Variants in STXBP5L observed in about 807,000 individuals in gnomAD.
The protein encoded by STXBP5L is syntaxin-binding protein 5-like.
STXBP5L carries 65 observed loss-of-function variants against 144.5 expected under a neutral mutation model. That is an observed-to-expected ratio of 0.45 (90% CI 0.37 to 0.55). The LOEUF is 0.55. STXBP5L is among the 20% of genes least tolerant of loss of function. STXBP5L has a pLI of 0.00. For synonymous variants in STXBP5L, 505 were observed against 469.6 expected (o/e 1.08, Z -0.97); for missense variants, 1,298 against 1,405.5 (o/e 0.92, Z 1.22).
At chr3:121,133,895 T>A (rs1428525652) in intron 7 of STXBP5L, among the ~76,000 whole-genome samples, 1 of 152,092 alleles carries the variant, frequency 6.6e-6, no homozygotes, top group East Asian at 1.9e-4. Flanking sequence ...TCAGATCTCA[T>A]GAGAACTCCC....
intron 3 of STXBP5L, among the ~76,000 whole-genome samples, chr3:121,007,093 G>A (rs1020419140): frequency 6.6e-6 from 1 of 151,928 alleles, no homozygotes; most frequent in Admixed American, 6.6e-5. Context: ...TTGAATATTG[G>A]CCTGTCTTGC....
At chr3:121,370,686 A>G (rs945103119) in intron 20 of STXBP5L, among the ~76,000 whole-genome samples, 1 of 152,190 alleles carries the variant, frequency 6.6e-6, no homozygotes, top group Non-Finnish European at 1.5e-5. Flanking sequence ...CATATTTCTC[A>G]GAGGTTTTGT....
chr3:121,126,222 A>G (rs143944579), intron 7 of STXBP5L, among the ~76,000 whole-genome samples: 3 of 152,332 alleles, frequency 2.0e-5, no homozygotes, highest in African/African-American at 7.2e-5. Context: ...CAAATCTGGC[A>G]TGCTGCCTGT....
chr3:121,354,041 G>T (rs1296492705), intron 20 of STXBP5L, among the ~76,000 whole-genome samples: 1 of 152,202 alleles, frequency 6.6e-6, no homozygotes, highest in Non-Finnish European at 1.5e-5. Flanking sequence ...ACTGTGGTCT[G>T]AGAGACAGTT....
chr3:120,966,800 T>G (rs1332669326), intron 3 of STXBP5L, among the ~76,000 whole-genome samples: 2 of 152,124 alleles, frequency 1.3e-5, no homozygotes, highest in East Asian at 3.9e-4. Flanking sequence ...AGAGCTCAAA[T>G]GCTGTGCTGG....
In STXBP5L at chr3:121,240,339, T is replaced by G; in HGVS notation, c.1333-101T>G. On this transcript the variant is annotated intron_variant, in intron 13 of 26. Transcript: ENST00000471454. Reference sequence around the variant, plus strand: ...ATTCTTGATGATTTTACACTTATTTTTCTTTAAGTGAGCTTTTTATCATTA... The same window carrying G: ...ATTCTTGATGATTTTACACTTATTTGTCTTTAAGTGAGCTTTTTATCATTA... 2.7e-5 allele frequency: 30 copies of G among 1,091,212 alleles called. No individual in the cohort carries two copies. The South Asian group carries it at 4.6e-4, about 17-fold the overall frequency. The allele number at this position is 1,091,212 out of a possible 1,614,324, so 67.6% of individuals were successfully genotyped here.
chr3:120,991,809 T>G (rs1942907965), intron 3 of STXBP5L, among the ~76,000 whole-genome samples: 1 of 144,014 alleles, frequency 6.9e-6, no homozygotes, highest in African/African-American at 2.6e-5. Context: ...CGGGGCCTGT[T>G]GTGGGGTGGG....
intron 3 of STXBP5L, among the ~76,000 whole-genome samples, chr3:120,984,253 C>T (rs1214317735): frequency 1.3e-5 from 2 of 152,150 alleles, no homozygotes; most frequent in Admixed American, 1.3e-4. Flanking sequence ...GCTGATGGAG[C>T]CTAAAATGAC....
intron 2 of STXBP5L, among the ~76,000 whole-genome samples, chr3:120,936,530 A>T (rs1187515989): frequency 1.3e-5 from 2 of 151,448 alleles, no homozygotes; most frequent in Non-Finnish European, 2.9e-5. Context: ...AGATGGCAAA[A>T]TTTTTTTCTG....
chr3:121,172,573 T>C (rs1308640452), intron 9 of STXBP5L, among the ~76,000 whole-genome samples: 1 of 152,134 alleles, frequency 6.6e-6, no homozygotes, highest in Admixed American at 6.5e-5. Flanking sequence ...AACAAACATA[T>C]GAAAAACAGC....
At chr3:121,247,638 A>G (rs2049897262) in intron 14 of STXBP5L, among the ~76,000 whole-genome samples, 1 of 152,190 alleles carries the variant, frequency 6.6e-6, no homozygotes, top group Non-Finnish European at 1.5e-5. Flanking sequence ...ATGTTGCTGT[A>G]AAGGACATGA....
At chr3:121,251,348 A>AT (rs2050020547) in intron 15 of STXBP5L, among the ~76,000 whole-genome samples, 1 of 152,322 alleles carries the variant, frequency 6.6e-6, no homozygotes, top group African/African-American at 2.4e-5. Context: ...ATGCACATAT[A>AT]TAACTATAGG....
At chr3:121,226,618 G>A (rs1182941703) in intron 11 of STXBP5L, among the ~76,000 whole-genome samples, 1 of 152,150 alleles carries the variant, frequency 6.6e-6, no homozygotes, top group Non-Finnish European at 1.5e-5. Flanking sequence ...TGGGGAAAGA[G>A]GGCTAGGGGA....
intron 2 of STXBP5L, among the ~76,000 whole-genome samples, chr3:120,914,964 C>T (rs892399080): frequency 2.0e-5 from 3 of 151,998 alleles, no homozygotes; most frequent in Non-Finnish European, 4.4e-5. Context: ...GGTGTAGGGG[C>T]AGGCTTGAGT....
chr3:121,176,427 C>T (rs76951640), intron 9 of STXBP5L, among the ~76,000 whole-genome samples: 2,455 of 106,600 alleles, frequency 0.023, 62 homozygotes, highest in African/African-American at 0.078. Flanking sequence ...AACAGATAAT[C>T]AATGAAACCA....
At chr3:121,005,876 T>G (rs1291678759) in intron 3 of STXBP5L, among the ~76,000 whole-genome samples, 1 of 152,228 alleles carries the variant, frequency 6.6e-6, no homozygotes, top group Non-Finnish European at 1.5e-5. Flanking sequence ...GTGAGTTTCT[T>G]AATCCTGACT....
chr3:121,090,061 C>G (rs2042701692), intron 5 of STXBP5L, among the ~76,000 whole-genome samples: 1 of 152,064 alleles, frequency 6.6e-6, no homozygotes, highest in African/African-American at 2.4e-5. Flanking sequence ...CATCTTGCTG[C>G]TAGTAACTAT....
intron 20 of STXBP5L, among the ~76,000 whole-genome samples, chr3:121,355,058 T>C (rs769217334): frequency 1.3e-5 from 2 of 152,252 alleles, no homozygotes; most frequent in Non-Finnish European, 2.9e-5. Context: ...AGAGATCCGC[T>C]GTTAGTCTGA....
At chr3:121,369,298 T>G (rs189644590) in intron 20 of STXBP5L, among the ~76,000 whole-genome samples, 1 of 152,054 alleles carries the variant, frequency 6.6e-6, no homozygotes, top group Non-Finnish European at 1.5e-5. Flanking sequence ...TTATCTAGAG[T>G]GTTCTGGTGC....
Sources: allele counts gnomAD v4.1 joint callset (sites outside exome capture counted in the v4.1 genomes callset), GRCh38; gene constraint gnomAD v4.1.1; transcripts MANE v1.5; gene names NCBI Gene and HGNC (gene_info 2026-07-23, HGNC 2026-07-21).